Variants in TALDO1 observed in about 807,000 individuals in gnomAD.
TALDO1 encodes transaldolase.
TALDO1 carries 29 observed loss-of-function variants against 38.1 expected under a neutral mutation model. The observed-to-expected ratio is 0.76, with a 90% confidence interval of 0.57 to 1.04. The LOEUF (loss-of-function observed/expected upper bound fraction) is 1.04, where lower values mean the gene tolerates loss of function less well. TALDO1 is among the 50% of genes least tolerant of loss of function. TALDO1 has a pLI of 0.00. For missense variants in TALDO1, 499 were observed against 438.1 expected, an observed-to-expected ratio of 1.14 and a Z score of -1.24; for synonymous variants, 207 against 176.8, an observed-to-expected ratio of 1.17 and a Z score of -1.36.
At chr11:752,851 A>C (rs948077903) in intron 1 of TALDO1, among the ~76,000 whole-genome samples, 6 of 152,192 alleles carry the variant, frequency 3.9e-5, no homozygotes, top group African/African-American at 1.4e-4. Flanking sequence ...AGTGGATCAG[A>C]AGTTCTGGAG....
At chr11:747,721 G>A in intron 1 of TALDO1, 143 bp downstream of exon 1, 1 of 720,714 alleles carries the variant, frequency 1.4e-6, no homozygotes, top group Non-Finnish European at 2.2e-6. Flanking sequence ...GAGCGCAGGT[G>A]CCGGATGTTG....
At chr11:754,560 C>T (rs1862801009) in intron 1 of TALDO1, among the ~76,000 whole-genome samples, 1 of 152,188 alleles carries the variant, frequency 6.6e-6, no homozygotes, top group East Asian at 1.9e-4. Context: ...CAACCTCCAC[C>T]TCCTGGGTTC....
intron 6 of TALDO1, 68 bp downstream of exon 6, chr11:764,012 T>C: frequency 1.3e-6 from 2 of 1,560,040 alleles, no homozygotes; most frequent in Non-Finnish European, 8.7e-7. Context: ...CACGCTGCCC[T>C]GTGGGTGATC....
At chr11:762,905 A>G (rs1471754399) in intron 4 of TALDO1, among the ~76,000 whole-genome samples, 1 of 152,206 alleles carries the variant, frequency 6.6e-6, no homozygotes, top group Non-Finnish European at 1.5e-5. Context: ...GAGATGACTC[A>G]GTGGTTCTAG....
chr11:759,156 C>T, intron 3 of TALDO1, 99 bp downstream of exon 3: 3 of 1,038,522 alleles, frequency 2.9e-6, no homozygotes, highest in Non-Finnish European at 4.5e-6. Context: ...CACCCATGGT[C>T]TTCATCCCAA....
At chr11:764,588 G>T in intron 7 of TALDO1, 155 bp downstream of exon 7, 1 of 1,381,516 alleles carries the variant, frequency 7.2e-7, no homozygotes, top group Non-Finnish European at 1.0e-6. Flanking sequence ...GGCCATCCCA[G>T]GGTGGAGGGT....
At chr11:764,620 C>T (rs754474562) in intron 7 of TALDO1, among the ~76,000 whole-genome samples, 187 bp downstream of exon 7, 3 of 152,200 alleles carry the variant, frequency 2.0e-5, no homozygotes, top group Non-Finnish European at 2.9e-5. Flanking sequence ...AGGGGTGCCC[C>T]CAGGATGCTT....
At chr11:747,606 G>C in intron 1 of TALDO1, 28 bp downstream of exon 1, 1 of 1,540,564 alleles carries the variant, frequency 6.5e-7, no homozygotes. Flanking sequence ...CCCGGGCGCG[G>C]CGCAAGCGCC....
At chr11:757,289 A>AATTTT (rs760488488) in intron 2 of TALDO1, among the ~76,000 whole-genome samples, 4 of 135,596 alleles carry the variant, frequency 2.9e-5, no homozygotes, top group Non-Finnish European at 4.7e-5. Flanking sequence ...ATGGCCCCAA[A>AATTTT]TTTTTTTTTT....
intron 2 of TALDO1, chr11:756,206 G>A (rs943390713): frequency 1.9e-5 from 14 of 742,638 alleles, no homozygotes; most frequent in African/African-American, 1.6e-4. Context: ...AGTTCAGAGA[G>A]TTTTGCCAAT....
rs775183293 is a variant in TALDO1 at position 763,839 on chromosome 11, A to T, written c.730A>T (p.Ile244Phe). The T allele has an allele frequency of 6.2e-7, 1 of 1,614,052 alleles. No homozygotes were observed. The highest frequency in any genetic ancestry group is 8.5e-7 in the Non-Finnish European group (1 of 1,180,020). ...CGCCTCCTTCCGCAACACGGGCGAG[A>T]TCAAAGCACTGGCCGGCTGTGACTT... Reference protein sequence around the residue: ...MGASFRNTGEIKALAGCDFLT... With the variant: ...MGASFRNTGEFKALAGCDFLT... Residue 244 changes from isoleucine to phenylalanine, a missense_variant, in exon 6 of 8, where the codon ATC becomes TTC. Coordinates refer to ENST00000319006, the MANE Select transcript of TALDO1 (RefSeq NM_006755.2).
At chr11:752,020 A>G (rs552952062) in intron 1 of TALDO1, among the ~76,000 whole-genome samples, 1 of 152,042 alleles carries the variant, frequency 6.6e-6, no homozygotes, top group South Asian at 2.1e-4. Flanking sequence ...CAAGGGAGGA[A>G]TCTTTCCTGC....
At chr11:758,778 A>G (rs1053038297) in intron 2 of TALDO1, among the ~76,000 whole-genome samples, 172 bp from the exon 3 acceptor site, 6 of 151,702 alleles carry the variant, frequency 4.0e-5, no homozygotes, top group Admixed American at 2.6e-4. Context: ...CTAATTTTTT[A>G]ATATTTTTAG....
intron 2 of TALDO1, among the ~76,000 whole-genome samples, chr11:758,197 T>C (rs1218155917): frequency 1.3e-5 from 2 of 152,148 alleles, no homozygotes; most frequent in Middle Eastern, 6.3e-3. Context: ...GGCAGGAGAA[T>C]GGCGTGAACC....
At chr11:764,217 G>T in intron 6 of TALDO1, 71 bp from the exon 7 acceptor site, 1 of 1,611,230 alleles carries the variant, frequency 6.2e-7, no homozygotes, top group Non-Finnish European at 8.5e-7. Context: ...AGCAGTTCAG[G>T]CCCTGAGCCC....
At position 755,971 on chromosome 11, in the gene TALDO1, G is replaced by T. The variant is rs780759475; in HGVS notation, c.190G>T (p.Glu64Ter). 6.2e-7 allele frequency: 1 copy of T among 1,613,866 alleles called. No homozygotes were observed. The highest frequency in any genetic ancestry group is 8.5e-7 in the Non-Finnish European group (1 of 1,179,940). Residue 64 changes from glutamate (E) to a stop codon, truncating the protein, a stop_gained, in exon 2 of 8, where the codon GAG becomes TAG. Transcript: ENST00000319006. LOFTEE classifies it high-confidence loss of function. ...QMPAYQELVE[E>*]AIAYGRKLGG... is the part of the protein sequence containing the mutation. ...GCCCGCTTACCAGGAGCTGGTGGAG[G>T]AGGCGATTGCCTATGGCCGGAAGCT...
At chr11:759,341 A>T (rs932660321) in intron 3 of TALDO1, among the ~76,000 whole-genome samples, 1 of 152,222 alleles carries the variant, frequency 6.6e-6, no homozygotes, top group East Asian at 1.9e-4. Flanking sequence ...AGCTCACTGC[A>T]ACCTCTGTCT....
chr11:755,790 C>T (rs1862825662), intron 1 of TALDO1, 89 bp from the exon 2 acceptor site: 8 of 1,596,418 alleles, frequency 5.0e-6, no homozygotes, highest in South Asian at 2.2e-5. Context: ...ACTCCCCTAA[C>T]GTCCTGGGGA....
At chr11:764,754 G>A in intron 7 of TALDO1, 59 bp from the exon 8 acceptor site, 1 of 1,612,540 alleles carries the variant, frequency 6.2e-7, no homozygotes. Context: ...TGCCTTGTGA[G>A]GCTTCAAGGT....
Sources: allele counts gnomAD v4.1 joint callset (sites outside exome capture counted in the v4.1 genomes callset), GRCh38; gene constraint gnomAD v4.1.1; transcripts MANE v1.5; gene names NCBI Gene and HGNC (gene_info 2026-07-23, HGNC 2026-07-21).